C5: variants seen among roughly 807,000 people sequenced by gnomAD.
C5 encodes complement C5.
Under a neutral mutation model 218.8 loss-of-function variants are expected in C5, and 140 were observed. That is an observed-to-expected ratio of 0.64 (90% confidence interval 0.56 to 0.74). The LOEUF is 0.74. Ranked by LOEUF, C5 falls within the 30% of genes least tolerant of loss-of-function variation. C5 has a pLI of 0.00. For missense variants in C5, 1,700 were observed against 1,969.6 expected (o/e 0.86, Z 2.59); for synonymous variants, 614 against 682.3 (o/e 0.90, Z 1.56).
intron 6 of C5, 33 bp downstream of exon 6, chr9:121,032,080 A>T (rs749804092): frequency 1.4e-6 from 2 of 1,382,202 alleles, no homozygotes; most frequent in Admixed American, 1.7e-5. Context: ...AAAAACAAAA[A>T]GCAAAGAAAA....
intron 40 of C5, among the ~76,000 whole-genome samples, chr9:120,953,208 G>A (rs1039338388): frequency 6.6e-6 from 1 of 152,190 alleles, no homozygotes; most frequent in Non-Finnish European, 1.5e-5. Context: ...ACAGGTGTGA[G>A]CCACCGTGCC....
chr9:120,991,374 A>G (rs1564142574), intron 22 of C5, 94 bp from the exon 23 acceptor site: 4 of 771,604 alleles, frequency 5.2e-6, no homozygotes, highest in Non-Finnish European at 4.6e-6. Flanking sequence ...GAATATTTCA[A>G]AATAAAAGAC....
intron 7 of C5, among the ~76,000 whole-genome samples, chr9:121,027,522 G>A (rs1042565578): frequency 1.3e-5 from 2 of 152,022 alleles, no homozygotes; most frequent in African/African-American, 4.8e-5. Flanking sequence ...CAGAACAGAG[G>A]CCTCAGAAAT....
chr9:121,046,396 GA>G lies in C5; in HGVS notation c.66-14del. On this transcript the variant is annotated splice_polypyrimidine_tract_variant and intron_variant, in intron 1 of 40. Transcript: ENST00000223642. The stretch of plus-strand genomic sequence containing the variant: ...TGAAATGACATATCTGTTGAAAAAG[GA>G]AAAGATAAGGCTCAATGTCTTTATA... 4 of 1,577,868 alleles carry G rather than the reference GA, an allele frequency of 2.5e-6. No individual in the cohort carries two copies. Among genetic ancestry groups the G allele is most frequent in the Non-Finnish European group, 3.5e-6 (4 of 1,147,604 alleles).
At chr9:121,069,278 C>T in the C5 span, among the ~76,000 whole-genome samples, 16 of 152,118 alleles carry the variant, frequency 1.1e-4, no homozygotes, top group Non-Finnish European at 1.2e-4. Context: ...CTGGAATACA[C>T]ACGGAACTCA....
At chr9:121,025,811 G>A (rs1488592487) in intron 8 of C5, 1 of 421,402 alleles carries the variant, frequency 2.4e-6, no homozygotes, top group South Asian at 2.7e-5. Flanking sequence ...TGGTCCAACA[G>A]GTCTTTTTGG....
chr9:121,007,081 AAG>A (rs1462394830), intron 18 of C5, 104 bp from the exon 19 acceptor site: 1 of 812,246 alleles, frequency 1.2e-6, no homozygotes, highest in African/African-American at 1.7e-5. Flanking sequence ...ACTTTAGAGA[AAG>A]AAAAAAATTC....
Position 120,953,780 on chromosome 9 carries a change from GTA to G in C5, c.4849_4850del (p.Tyr1617LeufsTer5). 6.2e-7 allele frequency: 1 copy of G among 1,613,898 alleles called. No homozygotes were observed. Among genetic ancestry groups the G allele is most frequent in the East Asian group, 2.2e-5 (1 of 44,872 alleles). ...GGAGGGCTTCTTTACCCATAATTAA[GTA>G]CTGTCTTCCTTTTACCAGCTCAGCG... ...TNAELVKGRQ[Y>X]LIMGKEALQI... On this transcript the variant is annotated frameshift_variant, in exon 40 of 41. Coordinates refer to ENST00000223642, the MANE Select transcript of C5 (RefSeq NM_001735.3). LOFTEE classifies it high-confidence loss of function.
At chr9:121,063,350 A>T in the C5 span, among the ~76,000 whole-genome samples, 1 of 151,942 alleles carries the variant, frequency 6.6e-6, no homozygotes, top group Non-Finnish European at 1.5e-5. Context: ...TGTAGTTTTC[A>T]AATACAGAAT....
chr9:120,993,728 T>C (rs955012023), intron 22 of C5, among the ~76,000 whole-genome samples: 8 of 152,230 alleles, frequency 5.3e-5, no homozygotes, highest in African/African-American at 1.4e-4. Flanking sequence ...GGCCGAGATA[T>C]TTCTTTAAAA....
chr9:120,979,929 T>G (rs1229771578), intron 28 of C5, among the ~76,000 whole-genome samples, 154 bp downstream of exon 28: 1 of 152,104 alleles, frequency 6.6e-6, no homozygotes, highest in African/African-American at 2.4e-5. Flanking sequence ...AATGAATGAA[T>G]AACGGCACAC....
At chr9:121,009,076 C>T (rs999397897) in intron 17 of C5, among the ~76,000 whole-genome samples, 3 of 152,024 alleles carry the variant, frequency 2.0e-5, no homozygotes, top group South Asian at 2.1e-4. Flanking sequence ...TACAAGATAT[C>T]GATCAGTCTA....
At chr9:120,993,798 A>G (rs552628756) in intron 22 of C5, among the ~76,000 whole-genome samples, 1 of 152,360 alleles carries the variant, frequency 6.6e-6, no homozygotes, top group African/African-American at 2.4e-5. Flanking sequence ...TGTTACATAT[A>G]CATAGATTAA....
chr9:120,994,811 A>T (rs2047104088), intron 22 of C5, among the ~76,000 whole-genome samples: 1 of 152,048 alleles, frequency 6.6e-6, no homozygotes, highest in Admixed American at 6.6e-5. Flanking sequence ...TTATTCCCAG[A>T]TAAAAGATTG....
chr9:121,002,345 C>T (rs12347116), intron 20 of C5, among the ~76,000 whole-genome samples: 36,748 of 94,468 alleles, frequency 0.39, 9,181 homozygotes, highest in East Asian at 0.67. Context: ...TATATATACA[C>T]ACATACCTAC....
intron 22 of C5, among the ~76,000 whole-genome samples, chr9:120,995,475 T>C (rs1361260256): frequency 6.6e-6 from 1 of 152,096 alleles, no homozygotes; most frequent in African/African-American, 2.4e-5. Flanking sequence ...TTGAGAAGAT[T>C]TGGAATATCT....
intron 10 of C5, 39 bp downstream of exon 10, chr9:121,023,365 G>A (rs1564155938): frequency 1.7e-6 from 2 of 1,189,826 alleles, no homozygotes; most frequent in Admixed American, 1.7e-5. Context: ...AGAACAAGAT[G>A]ATCATATGTA....
chr9:121,006,658 C>G (rs2047217852), intron 19 of C5, among the ~76,000 whole-genome samples: 1 of 151,646 alleles, frequency 6.6e-6, no homozygotes, highest in South Asian at 2.1e-4. Flanking sequence ...GCTTGGACAA[C>G]ATAGCGAGAC....
At chr9:121,030,281 A>G (rs1045169328) in intron 7 of C5, 116 bp downstream of exon 7, 3 of 620,978 alleles carry the variant, frequency 4.8e-6, no homozygotes, top group Non-Finnish European at 8.6e-6. Context: ...TAGTCCCCAA[A>G]TCATGGCACA....
Sources: gnomAD v4.1 joint callset for allele counts (sites outside exome capture counted in the v4.1 genomes callset) on GRCh38, gnomAD v4.1.1 for gene constraint, MANE v1.5 for transcripts, NCBI Gene and HGNC (gene_info 2026-07-23, HGNC 2026-07-21) for gene names.